The following TRHDE variants were observed in gnomAD, a reference collection of about 807,000 sequenced individuals.
The protein encoded by TRHDE is thyrotropin-releasing hormone-degrading ectoenzyme.
A neutral mutation model predicts 125.7 loss-of-function variants in TRHDE; 72 were observed. That is an observed-to-expected ratio of 0.57 (90% confidence interval 0.47 to 0.70). The LOEUF is 0.70. TRHDE is among the 30% of genes least tolerant of loss of function. The pLI, the probability that TRHDE is intolerant of heterozygous loss-of-function variation, is 0.00. For missense variants in TRHDE, 1,110 were observed against 1,327.1 expected (o/e 0.84, Z 2.54); for synonymous variants, 509 against 509.1 (o/e 1.00, Z 0.00).
chr12:72,570,990 A>G (rs1219648387), intron 10 of TRHDE, among the ~76,000 whole-genome samples: 1 of 152,160 alleles, frequency 6.6e-6, no homozygotes, highest in Non-Finnish European at 1.5e-5. Context: ...ATGTTTCCTG[A>G]AAATTTTGTA....
In TRHDE at chr12:72,224,720, A is replaced by T. The variant is rs1418722055; in HGVS notation, n.279+118968A>T. The stretch of plus-strand genomic sequence containing the variant: ...GCTATAATTCAGTAACAACAAAATT[A>T]ACTGCTAGGATACAGTTTTATACTA... On this transcript the variant is annotated intron_variant and non_coding_transcript_variant, in intron 2 of 4. Coordinates refer to the TRHDE transcript ENST00000548156. Among the ~76,000 whole-genome samples the T allele has an allele frequency of 3.9e-5, 6 of 152,288 alleles. No homozygotes were observed. In the South Asian group the frequency reaches 1.0e-3, roughly 26 times the overall value.
intron 2 of TRHDE, among the ~76,000 whole-genome samples, chr12:72,345,554 A>G (rs1565707026): frequency 6.6e-6 from 1 of 152,152 alleles, no homozygotes; most frequent in African/African-American, 2.4e-5. Flanking sequence ...TTTATTTTTA[A>G]TAATGGTCAT....
chr12:72,489,114 A>G (rs191253625), intron 5 of TRHDE, among the ~76,000 whole-genome samples: 12 of 151,820 alleles, frequency 7.9e-5, no homozygotes, highest in African/African-American at 2.6e-4. Context: ...ACCATACAAA[A>G]TCTTAAATTA....
intron 3 of TRHDE, among the ~76,000 whole-genome samples, chr12:72,380,016 A>G (rs149034878): frequency 1.8e-3 from 273 of 152,270 alleles, no homozygotes; most frequent in African/African-American, 5.9e-3. Flanking sequence ...ACAAATCTCT[A>G]CTTTCCATTA....
At chr12:72,286,587 A>G in intron 1 of TRHDE, 94 bp from the exon 2 acceptor site, 1 of 1,216,206 alleles carries the variant, frequency 8.2e-7, no homozygotes, top group Non-Finnish European at 1.2e-6. Flanking sequence ...GCAATTTGGA[A>G]TAATATATTA....
intron 12 of TRHDE, among the ~76,000 whole-genome samples, chr12:72,598,038 C>T (rs1872052054): frequency 6.6e-6 from 1 of 151,640 alleles, no homozygotes; most frequent in Admixed American, 6.6e-5. Flanking sequence ...GCAAATTTAA[C>T]CAACTCTTGC....
intron 3 of TRHDE, among the ~76,000 whole-genome samples, chr12:72,464,701 G>C (rs898329248): frequency 6.6e-6 from 1 of 152,114 alleles, no homozygotes; most frequent in Non-Finnish European, 1.5e-5. Flanking sequence ...TGTTATTATA[G>C]ACACTAGCCT....
chr12:72,300,380 A>ACT (rs1677702904), intron 2 of TRHDE, among the ~76,000 whole-genome samples: 1 of 151,938 alleles, frequency 6.6e-6, no homozygotes, highest in African/African-American at 2.4e-5. Context: ...ACACACACAC[A>ACT]CACACACACA....
intron 3 of TRHDE, chr12:72,431,704 T>C (rs1008365453): frequency 1.3e-5 from 2 of 152,116 alleles, no homozygotes; most frequent in Non-Finnish European, 2.9e-5. Flanking sequence ...ATATACTTCA[T>C]GTATGTGGCC....
chr12:72,472,992 T>A (rs1276732770), intron 4 of TRHDE, 75 bp from the exon 5 acceptor site: 2 of 1,125,818 alleles, frequency 1.8e-6, no homozygotes, highest in Non-Finnish European at 2.7e-6. Context: ...CATAGTTTAA[T>A]ACATGTAATT....
intron 9 of TRHDE, among the ~76,000 whole-genome samples, chr12:72,567,289 T>A (rs1870491838): frequency 6.6e-6 from 1 of 151,238 alleles, no homozygotes; most frequent in Non-Finnish European, 1.5e-5. Context: ...GCATAGTATC[T>A]CCACATAGTT....
At chr12:72,503,176 A>G (rs893754965) in intron 6 of TRHDE, among the ~76,000 whole-genome samples, 3 of 152,168 alleles carry the variant, frequency 2.0e-5, no homozygotes, top group Admixed American at 2.0e-4. Context: ...GATACTCTGT[A>G]CTAGTCACCG....
At chr12:72,430,679 A>G (rs1874439566) in intron 3 of TRHDE, among the ~76,000 whole-genome samples, 1 of 151,930 alleles carries the variant, frequency 6.6e-6, no homozygotes, top group Non-Finnish European at 1.5e-5. Context: ...CTATTACCTT[A>G]AAGTGTTACT....
chr12:72,369,844 C>T (rs1469088269), intron 2 of TRHDE, among the ~76,000 whole-genome samples: 1 of 152,062 alleles, frequency 6.6e-6, no homozygotes, highest in African/African-American at 2.4e-5. Flanking sequence ...GAGCTGGGCT[C>T]TTATCATGGA....
At chr12:72,426,959 C>T (rs1417514084) in intron 3 of TRHDE, among the ~76,000 whole-genome samples, 1 of 152,042 alleles carries the variant, frequency 6.6e-6, no homozygotes, top group African/African-American at 2.4e-5. Flanking sequence ...CCAAATGTCA[C>T]CTATATATAG....
At position 72,196,069 on chromosome 12, in the gene TRHDE, A is replaced by C. The variant is rs111506732; in HGVS notation, n.279+90317A>C. ...GCTTTATCTTTGGGCTCTATATTCC[A>C]TTTCATTGGTCTATGTATCTGTTTC... On this transcript the variant is annotated intron_variant and non_coding_transcript_variant, in intron 2 of 4. Transcript: ENST00000548156. Among the ~76,000 whole-genome samples the C allele has an allele frequency of 4.9e-3, 743 of 151,970 alleles. 4 individuals carry two copies. The highest frequency in any genetic ancestry group is 9.0e-3 in the Non-Finnish European group (614 of 67,902).
chr12:72,238,323 C>CACATTATATATAT lies in TRHDE; in HGVS notation n.279+132572_279+132573insCATTATATATATA, dbSNP rs1283824788. On this transcript the variant is annotated intron_variant and non_coding_transcript_variant, in intron 2 of 4. Coordinates refer to the TRHDE transcript ENST00000548156. Reference sequence around the variant, plus strand: ...ATATATATATATATATATATATATACATATATATATACACATTATATATAT... The same window carrying CACATTATATATAT: ...ATATATATATATATATATATATATACACATTATATATATATATATATATACACATTATATATAT... Among the ~76,000 whole-genome samples, 2 of 13,670 alleles carry CACATTATATATAT rather than the reference C, an allele frequency of 1.5e-4. 1 individual carries two copies. The highest frequency in any genetic ancestry group is 3.8e-4 in the African/African-American group (2 of 5,234). The allele number at this position is 13,670 out of a possible 152,430, so 9.0% of individuals were successfully genotyped here.
At chr12:72,368,811 T>G (rs1871448711) in intron 2 of TRHDE, among the ~76,000 whole-genome samples, 1 of 152,176 alleles carries the variant, frequency 6.6e-6, no homozygotes, top group Non-Finnish European at 1.5e-5. Flanking sequence ...TATCTGAAGT[T>G]CTCTTCCATT....
chr12:72,606,116 A>G lies in TRHDE; in HGVS notation c.2322-12775A>G, dbSNP rs1872431203. Among the ~76,000 whole-genome samples, 3 of 152,284 alleles carry G rather than the reference A, an allele frequency of 2.0e-5. No individual in the cohort carries two copies. The South Asian group carries it at 6.2e-4, about 32-fold the overall frequency. ...GACTTCCCACTTCTGATTTAAACAC[A>G]TGATTCAGAATGACTTTGGAGGGTT... On this transcript the variant is annotated intron_variant, in intron 12 of 18. Coordinates refer to ENST00000261180, the MANE Select transcript of TRHDE (RefSeq NM_013381.3).
Sources: gnomAD v4.1 joint callset for allele counts (sites outside exome capture counted in the v4.1 genomes callset) on GRCh38, gnomAD v4.1.1 for gene constraint, MANE v1.5 for transcripts, NCBI Gene and HGNC (gene_info 2026-07-23, HGNC 2026-07-21) for gene names.